Variants in TSEN15 observed in about 807,000 individuals in gnomAD.
TSEN15 encodes the protein tRNA-splicing endonuclease subunit Sen15.
A neutral mutation model predicts 20.5 loss-of-function variants in TSEN15; 10 were observed. The ratio of observed to expected loss-of-function variants is 0.49; its 90% CI spans 0.30 to 0.83. The LOEUF is 0.83. TSEN15 is among the 40% of genes least tolerant of loss of function. The pLI is 0.06. For synonymous variants in TSEN15, 72 were observed against 80.1 expected, an observed-to-expected ratio of 0.90 and a Z score of 0.54; for missense variants, 180 against 218.6, an observed-to-expected ratio of 0.82 and a Z score of 1.11.
chr1:184,093,553 TA>T lies in TSEN15; in HGVS notation c.354-2136del, dbSNP rs559512305. ...CACATTTTCAAGAAATAGCAGCTATTATTTTTTTGTAGGTAGGTACTTTGTG... is the reference window on the plus strand; with the variant it reads ...CACATTTTCAAGAAATAGCAGCTATTTTTTTTTGTAGGTAGGTACTTTGTG... On this transcript the variant is annotated intron_variant, in intron 3 of 3. Coordinates refer to the TSEN15 transcript ENST00000643231. 2.0e-4 allele frequency: 30 copies of T among 152,336 alleles called. No individual in the cohort carries two copies. The East Asian group carries it at 5.0e-3, about 25-fold the overall frequency. 9.4% of individuals were successfully genotyped at this position (152,336 alleles called of 1,614,324 possible). A position where few individuals can be genotyped will look rare whatever the true frequency, so the allele number is the denominator to read the frequency against.
chr1:184,061,467 C>A (rs1223792230), intron 3 of TSEN15, among the ~76,000 whole-genome samples: 1 of 152,038 alleles, frequency 6.6e-6, no homozygotes, highest in Non-Finnish European at 1.5e-5. Context: ...GCACATAAGG[C>A]CTGATAACTG....
intron 1 of TSEN15, 73 bp from the exon 2 acceptor site, chr1:184,054,281 A>G (rs1650160191): frequency 1.1e-6 from 1 of 935,936 alleles, no homozygotes; most frequent in South Asian, 1.6e-5. Context: ...ATGCTTGATG[A>G]CCACTTGATG....
downstream of TSEN15, among the ~76,000 whole-genome samples, chr1:184,078,518 C>G (rs1651105109): frequency 6.6e-6 from 1 of 152,134 alleles, no homozygotes; most frequent in Non-Finnish European, 1.5e-5. Flanking sequence ...GGATTTCTCT[C>G]TGGTGCCGCC....
At chr1:184,061,401 G>C (rs1650449785) in intron 3 of TSEN15, among the ~76,000 whole-genome samples, 1 of 152,130 alleles carries the variant, frequency 6.6e-6, no homozygotes, top group African/African-American at 2.4e-5. Flanking sequence ...TGTAGAGCCA[G>C]AGGAGTTGGC....
chr1:184,067,941 A>AAAATATAT lies in TSEN15; in HGVS notation c.354-4215_354-4214insAATATATA, dbSNP rs1400681024. Among the ~76,000 whole-genome samples the AAAATATAT allele has an allele frequency of 6.3e-5, 6 of 95,566 alleles. No homozygotes were observed. In the East Asian group the frequency reaches 8.7e-4, roughly 14 times the overall value. 62.7% of individuals were successfully genotyped at this position (95,566 alleles called of 152,430 possible). A position where few individuals can be genotyped will look rare whatever the true frequency, so the allele number is the denominator to read the frequency against. On this transcript the variant is annotated intron_variant, in intron 3 of 4. Transcript: ENST00000645668. ...CTCTCTCTCAAAAAAAAAAAAAAAA[A>AAAATATAT]ATATATATATATATATATATATATA...
At chr1:184,080,545 T>G (rs751798314) in intron 3 of TSEN15, among the ~76,000 whole-genome samples, 7 of 152,204 alleles carry the variant, frequency 4.6e-5, no homozygotes, top group Non-Finnish European at 8.8e-5. Context: ...TTGGATCAAT[T>G]ACATTATCCT....
At chr1:184,091,863 T>A (rs1202030578) in intron 3 of TSEN15, among the ~76,000 whole-genome samples, 1 of 152,226 alleles carries the variant, frequency 6.6e-6, no homozygotes, top group African/African-American at 2.4e-5. Flanking sequence ...CTGGGTTTTG[T>A]TTATTATAGC....
At chr1:184,065,903 TA>T (rs1181902121) in intron 3 of TSEN15, among the ~76,000 whole-genome samples, 1 of 152,200 alleles carries the variant, frequency 6.6e-6, no homozygotes, top group African/African-American at 2.4e-5. Flanking sequence ...GCAAGTCCTT[TA>T]TCAGATATGT....
intron 1 of TSEN15, among the ~76,000 whole-genome samples, chr1:184,053,726 T>G (rs1650137621): frequency 6.6e-6 from 1 of 152,192 alleles, no homozygotes; most frequent in South Asian, 2.1e-4. Flanking sequence ...CTTTCTCTAG[T>G]TCCTTGTCAA....
At chr1:184,054,660 T>C in intron 2 of TSEN15, 68 bp from the exon 3 acceptor site, 11 of 1,536,556 alleles carry the variant, frequency 7.2e-6, no homozygotes, top group Non-Finnish European at 9.7e-6. Flanking sequence ...GAGTATTAGG[T>C]AGAAGTTTGG....
At chr1:184,085,017 G>T (rs901564934) in intron 3 of TSEN15, among the ~76,000 whole-genome samples, 2 of 151,970 alleles carry the variant, frequency 1.3e-5, no homozygotes, top group African/African-American at 4.8e-5. Context: ...CACTTTGGGG[G>T]ATCCTTTAGG....
chr1:184,053,067 T>C (rs1460937544), intron 1 of TSEN15, among the ~76,000 whole-genome samples: 1 of 152,228 alleles, frequency 6.6e-6, no homozygotes, highest in Admixed American at 6.5e-5. Flanking sequence ...GAAACACCAG[T>C]AACAACTTTT....
chr1:184,064,471 G>T (rs1002022815), intron 3 of TSEN15, among the ~76,000 whole-genome samples: 1 of 152,056 alleles, frequency 6.6e-6, no homozygotes, highest in Non-Finnish European at 1.5e-5. Flanking sequence ...GAGTGAGTAT[G>T]TGTGATACAA....
At chr1:184,051,966 C>T in intron 1 of TSEN15, 76 bp downstream of exon 1, 4 of 1,316,678 alleles carry the variant, frequency 3.0e-6, no homozygotes, top group Non-Finnish European at 2.9e-6. Context: ...AGCTCTCTTT[C>T]TTTCTTCCTC....
intron 3 of TSEN15, among the ~76,000 whole-genome samples, chr1:184,067,412 C>T (rs1001539191): frequency 6.6e-6 from 1 of 152,200 alleles, no homozygotes; most frequent in East Asian, 1.9e-4. Flanking sequence ...AAAGTAAGTT[C>T]CCTGAAAGTG....
At chr1:184,051,950 C>T in intron 1 of TSEN15, 60 bp downstream of exon 1, 1 of 1,365,254 alleles carries the variant, frequency 7.3e-7, no homozygotes, top group Non-Finnish European at 9.5e-7. Flanking sequence ...CAGAACACTC[C>T]CAGGCAGCTC....
intron 3 of TSEN15, among the ~76,000 whole-genome samples, chr1:184,085,622 G>A (rs192856374): frequency 6.6e-6 from 1 of 152,318 alleles, no homozygotes; most frequent in East Asian, 1.9e-4. Context: ...AATGCAGTGA[G>A]GGTGGGAGTC....
At chr1:184,095,460 A>G (rs1557892839) in intron 3 of TSEN15, 2 of 384,294 alleles carry the variant, frequency 5.2e-6, no homozygotes, top group Admixed American at 4.5e-5. Context: ...AAATTCCCCA[A>G]TTCACACACT....
intron 3 of TSEN15, chr1:184,094,225 G>A (rs2102906309): frequency 6.6e-6 from 1 of 152,254 alleles, no homozygotes; most frequent in South Asian, 2.1e-4. Context: ...TCACCACATA[G>A]CTCATATGTG....
Sources: gnomAD v4.1 joint callset for allele counts (sites outside exome capture counted in the v4.1 genomes callset) on GRCh38, gnomAD v4.1.1 for gene constraint, MANE v1.5 for transcripts, NCBI Gene and HGNC (gene_info 2026-07-23, HGNC 2026-07-21) for gene names.